ZNF382: variants seen among roughly 807,000 people sequenced by gnomAD.
ZNF382 encodes KRAB/zinc finger suppressor protein 1.
A neutral mutation model predicts 38.8 loss-of-function variants in ZNF382; 20 were observed. The observed-to-expected ratio is 0.51, with a 90% CI of 0.36 to 0.75. The LOEUF (loss-of-function observed/expected upper bound fraction) is 0.75, where lower values mean the gene tolerates loss of function less well. Ranked by LOEUF, ZNF382 falls within the 30% of genes least tolerant of loss-of-function variation. ZNF382 has a pLI of 0.00. For synonymous variants in ZNF382, 202 were observed against 223.1 expected, an observed-to-expected ratio of 0.91 and a Z score of 0.84; for missense variants, 546 against 654.1, an observed-to-expected ratio of 0.83 and a Z score of 1.80.
chr19:36,609,276 T>G (rs1324865033), intron 2 of ZNF382: 1 of 152,206 alleles, frequency 6.6e-6, no homozygotes, highest in African/African-American at 2.4e-5. Flanking sequence ...ATGTTGGGAA[T>G]GTGTTCAGTA....
chr19:36,606,795 G>A (rs1038141262), intron 1 of ZNF382, among the ~76,000 whole-genome samples: 3 of 151,904 alleles, frequency 2.0e-5, no homozygotes, highest in African/African-American at 4.8e-5. Flanking sequence ...GTTATTTTGC[G>A]GGCCTGGTGC....
At chr19:36,622,344 A>G (rs1222988685) in intron 4 of ZNF382, among the ~76,000 whole-genome samples, 1 of 152,110 alleles carries the variant, frequency 6.6e-6, no homozygotes, top group Non-Finnish European at 1.5e-5. Context: ...AATTTGCTGA[A>G]AAGACCCATG....
Position 36,626,176 on chromosome 19 carries a change from C to T in ZNF382, c.279C>T (p.Tyr93=). 1 of 1,571,064 alleles carries T rather than the reference C, an allele frequency of 6.4e-7. No individual in the cohort carries two copies. The highest frequency in any genetic ancestry group is 8.6e-7 in the Non-Finnish European group (1 of 1,166,064). ...TEDVLVKFKE[Y]QDRHSRPLIF... ...ATGTCTTAGTGAAGTTCAAAGAATA[C>T]CAAGACAGGCATTCTAGACCCCTCA... Residue 93 remains tyrosine, a synonymous_variant, in exon 5 of 5, where the codon TAC becomes TAT. Coordinates refer to ENST00000292928, the MANE Select transcript of ZNF382 (RefSeq NM_032825.5).
Position 36,627,257 on chromosome 19 carries a change from C to T in ZNF382, c.1360C>T (p.His454Tyr). Residue 454 changes from histidine to tyrosine, a missense_variant, in exon 5 of 5, where the codon CAC becomes TAC. His to Tyr is a moderately conservative substitution (Grantham distance 83). Transcript: ENST00000292928. ...CTGCCAAAAGACAACCCTCACTCTCCACCAGAGAATTCACACGGGGGAAAA... is the reference window on the plus strand; with the variant it reads ...CTGCCAAAAGACAACCCTCACTCTCTACCAGAGAATTCACACGGGGGAAAA... The part of the protein sequence containing the change: ...SFCQKTTLTL[H>Y]QRIHTGEKPY... The T allele has an allele frequency of 1.2e-6, 2 of 1,613,792 alleles. No homozygotes were observed. Among genetic ancestry groups the T allele is most frequent in the Non-Finnish European group, 1.7e-6 (2 of 1,179,978 alleles).
chr19:36,631,754 A>G lies in ZNF382; in HGVS notation c.*4204A>G, dbSNP rs1365580850. The stretch of plus-strand genomic sequence containing the variant: ...CATGGACCAAAATGTCATGTGGTGC[A>G]TGAGTATTTTTCATCTAACTTATAT... On this transcript the variant is annotated 3_prime_UTR_variant, in exon 5 of 5. Coordinates refer to ENST00000292928, the MANE Select transcript of ZNF382 (RefSeq NM_032825.5). 1 of 152,186 alleles carries G rather than the reference A, an allele frequency of 6.6e-6. No individual in the cohort carries two copies. The highest frequency in any genetic ancestry group is 1.5e-5 in the Non-Finnish European group (1 of 68,036). 9.4% of individuals were successfully genotyped at this position (152,186 alleles called of 1,614,324 possible).
At chr19:36,616,538 A>G (rs78514841) in intron 4 of ZNF382, among the ~76,000 whole-genome samples, 2,065 of 152,312 alleles carry the variant, frequency 0.014, 16 homozygotes, top group Middle Eastern at 0.034. Context: ...TTACACTCTC[A>G]TCTTTGCTCC....
intron 1 of ZNF382, 97 bp downstream of exon 1, chr19:36,605,444 G>A (rs111647441): frequency 0.014 from 2,204 of 152,840 alleles, 25 homozygotes; most frequent in Non-Finnish European, 0.022. Context: ...GGAGGCCAGG[G>A]AGGTAACCAA....
At position 36,627,739 on chromosome 19, in the gene ZNF382, A is replaced by G. The variant is rs1172711198; in HGVS notation, c.*189A>G. The G allele has an allele frequency of 2.1e-6, 1 of 487,214 alleles. No individual in the cohort carries two copies. The highest frequency in any genetic ancestry group is 1.9e-5 in the African/African-American group (1 of 51,540). 30.2% of individuals were successfully genotyped at this position (487,214 alleles called of 1,614,324 possible). A position where few individuals can be genotyped will look rare whatever the true frequency, so the allele number is the denominator to read the frequency against. ...ATTATTAGACAAATTAGATGACAAA[A>G]ATCATTAAGAAGTCCAAACTTTTTT... On this transcript the variant is annotated 3_prime_UTR_variant, in exon 5 of 5. Coordinates refer to ENST00000292928, the MANE Select transcript of ZNF382 (RefSeq NM_032825.5).
Position 36,626,233 on chromosome 19 carries a change from G to C in ZNF382, c.336G>C (p.Glu112Asp). The C allele has an allele frequency of 1.2e-6, 2 of 1,607,624 alleles. No individual in the cohort carries two copies. Among genetic ancestry groups the C allele is most frequent in the Non-Finnish European group, 8.5e-7 (1 of 1,178,346 alleles). The change falls in exon 5 of 5, where the codon GAG becomes GAC. Residue 112 changes from glutamate (E) to aspartate (D), a missense_variant. Coordinates refer to ENST00000292928, the MANE Select transcript of ZNF382 (RefSeq NM_032825.5). ...TCAACCACAAAAAACTAATTAAGGA[G>C]AGAAGTAATATTTATGGTAAAACAT... is the stretch of plus-strand genomic sequence containing the variant. ...IFINHKKLIK[E>D]RSNIYGKTFT... is the part of the protein sequence containing the mutation.
chr19:36,612,327 C>G (rs2033077), intron 4 of ZNF382, among the ~76,000 whole-genome samples: 1 of 152,050 alleles, frequency 6.6e-6, no homozygotes, highest in African/African-American at 2.4e-5. Flanking sequence ...TTCCATTGTA[C>G]GAGTATACCA....
intron 4 of ZNF382, among the ~76,000 whole-genome samples, chr19:36,611,641 C>T (rs2037078812): frequency 6.6e-6 from 1 of 152,104 alleles, no homozygotes; most frequent in South Asian, 2.1e-4. Context: ...TCCCTGCTTT[C>T]AGTTCTTTTG....
Position 36,626,948 on chromosome 19 carries a change from C to T in ZNF382, c.1051C>T (p.Pro351Ser). Residue 351 changes from proline (P) to serine (S), a missense_variant, in exon 5 of 5, where the codon CCC becomes TCC. Coordinates refer to ENST00000292928, the MANE Select transcript of ZNF382 (RefSeq NM_032825.5). Reference sequence around the variant, plus strand: ...TGAGAAAACACATATAGAGGGGAAACCCTTTATTTGTATCGATTGTGGGAA... The same window carrying T: ...TGAGAAAACACATATAGAGGGGAAATCCTTTATTTGTATCGATTGTGGGAA... Reference protein sequence around the residue: ...LHEKTHIEGKPFICIDCGKSF... With the variant: ...LHEKTHIEGKSFICIDCGKSF... The T allele has an allele frequency of 6.2e-7, 1 of 1,614,170 alleles. No individual in the cohort carries two copies. The highest frequency in any genetic ancestry group is 1.1e-5 in the South Asian group (1 of 91,084).
intron 1 of ZNF382, among the ~76,000 whole-genome samples, chr19:36,607,218 A>G (rs1600385702): frequency 6.6e-6 from 1 of 152,230 alleles, no homozygotes; most frequent in African/African-American, 2.4e-5. Context: ...AAAAAGTCCA[A>G]GAAGAACCGT....
chr19:36,626,760 G>C lies in ZNF382; in HGVS notation c.863G>C (p.Arg288Thr). The change falls in exon 5 of 5, where the codon AGA (arginine) becomes ACA (threonine). Residue 288 changes from arginine (R) to threonine (T), a missense_variant. Transcript: ENST00000292928. ...AAGCCTGTTTTTATTATGCCTCAGA[G>C]ACCTCAAACAGAAGAGAAACCCTTT... ...CRKPVFIMPQ[R>T]PQTEEKPFHC... 6.2e-7 allele frequency: 1 copy of C among 1,614,174 alleles called. No individual in the cohort carries two copies. Among genetic ancestry groups the C allele is most frequent in the Non-Finnish European group, 8.5e-7 (1 of 1,180,042 alleles).
At chr19:36,620,229 A>G (rs964138195) in intron 4 of ZNF382, among the ~76,000 whole-genome samples, 1 of 152,204 alleles carries the variant, frequency 6.6e-6, no homozygotes, top group Admixed American at 6.5e-5. Flanking sequence ...CAAAATGGTA[A>G]TTTGAAGATC....
chr19:36,608,634 G>A (rs574067270), intron 2 of ZNF382: 8 of 152,262 alleles, frequency 5.3e-5, no homozygotes, highest in African/African-American at 1.7e-4. Flanking sequence ...CACTTAGTGT[G>A]ATTCTAGTGA....
At position 36,627,489 on chromosome 19, in the gene ZNF382, G is replaced by T; in HGVS notation, c.1592G>T (p.Cys531Phe). Residue 531 changes from cysteine (C) to phenylalanine (F), a missense_variant, in exon 5 of 5, where the codon TGT becomes TTT. Physicochemically the swap from Cys to Phe is radical, Grantham distance 205. Coordinates refer to ENST00000292928, the MANE Select transcript of ZNF382 (RefSeq NM_032825.5). Reference sequence around the variant, plus strand: ...AAACAGTGTGGGAAGTTCTTCAGTTGTAAGTCAAACCTCATTGTCCATCAG... The same window carrying T: ...AAACAGTGTGGGAAGTTCTTCAGTTTTAAGTCAAACCTCATTGTCCATCAG... Reference protein sequence around the residue: ...ECKQCGKFFSCKSNLIVHQKT... With the variant: ...ECKQCGKFFSFKSNLIVHQKT... 1 of 1,613,984 alleles carries T rather than the reference G, an allele frequency of 6.2e-7. No individual in the cohort carries two copies. The highest frequency in any genetic ancestry group is 2.2e-5 in the East Asian group (1 of 44,892).
chr19:36,616,489 T>G (rs2037127271), intron 4 of ZNF382, among the ~76,000 whole-genome samples: 1 of 152,224 alleles, frequency 6.6e-6, no homozygotes, highest in African/African-American at 2.4e-5. Context: ...TCTTATAACT[T>G]TCATTCTAAA....
chr19:36,621,479 T>G (rs2037170087), intron 4 of ZNF382, among the ~76,000 whole-genome samples: 3 of 152,062 alleles, frequency 2.0e-5, no homozygotes, highest in African/African-American at 7.3e-5. Flanking sequence ...GACTCAGAAC[T>G]TTCGATAATC....
Sources: gnomAD v4.1 joint callset for allele counts (sites outside exome capture counted in the v4.1 genomes callset) on GRCh38, gnomAD v4.1.1 for gene constraint, MANE v1.5 for transcripts, NCBI Gene and HGNC (gene_info 2026-07-23, HGNC 2026-07-21) for gene names.